KIRREL3: variants seen among roughly 807,000 people sequenced by gnomAD.
The protein encoded by KIRREL3 is kirre like nephrin family adhesion molecule 3.
In KIRREL3, 36 loss-of-function variants were observed where a neutral mutation model predicts 89.7. The ratio of observed to expected loss-of-function variants is 0.40; its 90% CI spans 0.31 to 0.53. The LOEUF (loss-of-function observed/expected upper bound fraction) is 0.53, where lower values mean the gene tolerates loss of function less well. Among genes scored for constraint, KIRREL3 ranks in the 20% least tolerant of loss-of-function variants. The pLI is 0.49. For synonymous variants in KIRREL3, 445 were observed against 441.4 expected (o/e 1.01, Z -0.10); for missense variants, 864 against 1,056.6 (o/e 0.82, Z 2.53).
rs546372771 is a variant in KIRREL3 at position 126,433,121 on chromosome 11, C to T, written c.1589-1595G>A. On this transcript the variant is annotated intron_variant, in intron 13 of 16. Transcript: ENST00000525144. Reference sequence around the variant, plus strand: ...CTCAAACTCCTGACCTCAGGTGATCCGCCCGCCTCAGCCTCCGAAAGTGCT... The same window carrying T: ...CTCAAACTCCTGACCTCAGGTGATCTGCCCGCCTCAGCCTCCGAAAGTGCT... 5.3e-5 allele frequency among the ~76,000 whole-genome samples: 8 copies of T among 152,260 alleles called. No individual in the cohort carries two copies. The East Asian group carries it at 7.7e-4, about 15-fold the overall frequency.
intron 1 of KIRREL3, among the ~76,000 whole-genome samples, chr11:126,693,580 T>C (rs1390066949): frequency 1.3e-5 from 2 of 150,156 alleles, no homozygotes; most frequent in African/African-American, 2.5e-5. Flanking sequence ...GTTACATCTG[T>C]ATGCACATGC....
At chr11:126,961,144 A>C (rs1160776156) in intron 1 of KIRREL3, among the ~76,000 whole-genome samples, 1 of 152,172 alleles carries the variant, frequency 6.6e-6, no homozygotes, top group Non-Finnish European at 1.5e-5. Context: ...TATTGAAATT[A>C]GGCCAATTAG....
rs1218516175 is a variant in KIRREL3 at position 126,578,046 on chromosome 11, T to C, written c.56-15134A>G. ...GGTTTTCATTTTTGGAGAGTTTAAATAATTTTAGAGTTCTTCTATGTTGAG... is the reference window on the plus strand; with the variant it reads ...GGTTTTCATTTTTGGAGAGTTTAAACAATTTTAGAGTTCTTCTATGTTGAG... On this transcript the variant is annotated intron_variant, in intron 1 of 16. Transcript: ENST00000525144. The surrounding 1 kb of genome is among the most constrained non-coding windows in gnomAD (Gnocchi z 4.9). 6.6e-6 allele frequency among the ~76,000 whole-genome samples: 1 copy of C among 152,144 alleles called. No homozygotes were observed. The highest frequency in any genetic ancestry group is 6.5e-5 in the Admixed American group (1 of 15,274).
chr11:126,509,250 C>A (rs1445847327), intron 4 of KIRREL3, among the ~76,000 whole-genome samples: 1 of 152,188 alleles, frequency 6.6e-6, no homozygotes, highest in Non-Finnish European at 1.5e-5. Context: ...ACTCACAAGC[C>A]CTGTTCTGCC....
intron 1 of KIRREL3, among the ~76,000 whole-genome samples, chr11:126,826,447 G>A (rs1943415943): frequency 6.6e-6 from 1 of 152,010 alleles, no homozygotes; most frequent in Non-Finnish European, 1.5e-5. Flanking sequence ...TGTTTATTAA[G>A]TGGGTCCCTT....
At chr11:126,632,462 T>G (rs1944070509) in intron 1 of KIRREL3, among the ~76,000 whole-genome samples, 1 of 152,218 alleles carries the variant, frequency 6.6e-6, no homozygotes, top group Non-Finnish European at 1.5e-5. Context: ...AGTTATGATC[T>G]CTAAAATTAT....
chr11:126,965,842 T>C lies in KIRREL3; in HGVS notation c.55+34613A>G, dbSNP rs925601580. Among the ~76,000 whole-genome samples, 3 of 152,138 alleles carry C rather than the reference T, an allele frequency of 2.0e-5. No homozygotes were observed. The highest frequency in any genetic ancestry group is 7.2e-5 in the African/African-American group (3 of 41,432). On this transcript the variant is annotated intron_variant, in intron 1 of 16. Transcript: ENST00000525144. This position sits in a 1 kb window ranked among gnomAD's most constrained non-coding sequence, Gnocchi z 4.4. ...TAGCCAGACAGGTGACAGAACTCGA[T>C]GTGTGTGGGTATCAGGTCAGCAGCT...
In KIRREL3 at chr11:126,431,624, A is replaced by G; in HGVS notation, c.1589-98T>C. The G allele has an allele frequency of 2.5e-6, 3 of 1,220,248 alleles. No individual in the cohort carries two copies. Among genetic ancestry groups the G allele is most frequent in the Non-Finnish European group, 2.3e-6 (2 of 866,702 alleles). 75.6% of individuals were successfully genotyped at this position (1,220,248 alleles called of 1,614,324 possible). A position where few individuals can be genotyped will look rare whatever the true frequency, so the allele number is the denominator to read the frequency against. On this transcript the variant is annotated intron_variant, in intron 13 of 16. Coordinates refer to ENST00000525144, the MANE Select transcript of KIRREL3 (RefSeq NM_032531.4). The surrounding 1 kb of genome is among the most constrained non-coding windows in gnomAD (Gnocchi z 7.1). ...TTCCTGCGGGGGCAGCCCCTGCCACATGGGGCCCTCCTGGGAAATGCCTCA... is the reference window on the plus strand; with the variant it reads ...TTCCTGCGGGGGCAGCCCCTGCCACGTGGGGCCCTCCTGGGAAATGCCTCA...
At chr11:126,827,570 C>A (rs77209993) in intron 1 of KIRREL3, among the ~76,000 whole-genome samples, 2,417 of 152,250 alleles carry the variant, frequency 0.016, 158 homozygotes, top group Admixed American at 0.11. Context: ...AACAGTAATG[C>A]ACTTTCGAGG....
Position 126,736,309 on chromosome 11 carries a change from T to A in KIRREL3, c.56-173397A>T, listed in dbSNP as rs1178500594. Among the ~76,000 whole-genome samples the A allele has an allele frequency of 1.3e-5, 2 of 152,218 alleles. No individual in the cohort carries two copies. The highest frequency in any genetic ancestry group is 3.8e-4 in the East Asian group (2 of 5,202). The stretch of plus-strand genomic sequence containing the variant: ...TGTGAAATGTGCACTATCATCTCCA[T>A]TTTGCAGATAAGCAAACCGAGGCTC... On this transcript the variant is annotated intron_variant, in intron 1 of 16. Coordinates refer to ENST00000525144, the MANE Select transcript of KIRREL3 (RefSeq NM_032531.4). This position sits in a 1 kb window ranked among gnomAD's most constrained non-coding sequence, Gnocchi z 5.0.
At position 126,969,752 on chromosome 11, in the gene KIRREL3, T is replaced by C. The variant is rs1417267346; in HGVS notation, c.55+30703A>G. ...TGCAGTGGGACCTGGCTCACTTTTG[T>C]AGATCCCTTCAAAGCTGGAGATTGG... On this transcript the variant is annotated intron_variant, in intron 1 of 16. Coordinates refer to ENST00000525144, the MANE Select transcript of KIRREL3 (RefSeq NM_032531.4). The surrounding 1 kb of genome is among the most constrained non-coding windows in gnomAD (Gnocchi z 4.9). Among the ~76,000 whole-genome samples, 1 of 152,160 alleles carries C rather than the reference T, an allele frequency of 6.6e-6. No homozygotes were observed. Among genetic ancestry groups the C allele is most frequent in the African/African-American group, 2.4e-5 (1 of 41,426 alleles).
Position 126,908,470 on chromosome 11 carries a change from T to A in KIRREL3, c.55+91985A>T, listed in dbSNP as rs1592330084. Reference sequence around the variant, plus strand: ...TGTGCTCTGGTTTTCTCATATGCAATGTGGGGACAATAATAGTGACTTCTT... The same window carrying A: ...TGTGCTCTGGTTTTCTCATATGCAAAGTGGGGACAATAATAGTGACTTCTT... On this transcript the variant is annotated intron_variant, in intron 1 of 16. Coordinates refer to ENST00000525144, the MANE Select transcript of KIRREL3 (RefSeq NM_032531.4). This position sits in a 1 kb window ranked among gnomAD's most constrained non-coding sequence, Gnocchi z 4.2. 6.6e-6 allele frequency among the ~76,000 whole-genome samples: 1 copy of A among 152,336 alleles called. No individual in the cohort carries two copies. Among genetic ancestry groups the A allele is most frequent in the East Asian group, 1.9e-4 (1 of 5,178 alleles).
rs2134901757 is a variant in KIRREL3 at position 126,635,002 on chromosome 11, G to A, written c.56-72090C>T. The stretch of plus-strand genomic sequence containing the variant: ...ACAGTTGCTCCACTCAGCAAGTGGG[G>A]ACAGTTCCAGCTTCTGGGCTCTTCT... On this transcript the variant is annotated intron_variant, in intron 1 of 16. Coordinates refer to ENST00000525144, the MANE Select transcript of KIRREL3 (RefSeq NM_032531.4). This position sits in a 1 kb window ranked among gnomAD's most constrained non-coding sequence, Gnocchi z 4.0. 1.3e-5 allele frequency among the ~76,000 whole-genome samples: 2 copies of A among 152,352 alleles called. No individual in the cohort carries two copies. Among genetic ancestry groups the A allele is most frequent in the Non-Finnish European group, 2.9e-5 (2 of 68,026 alleles).
chr11:126,863,976 A>C (rs1465928649), intron 1 of KIRREL3, among the ~76,000 whole-genome samples: 1 of 152,168 alleles, frequency 6.6e-6, no homozygotes, highest in Non-Finnish European at 1.5e-5. Flanking sequence ...CCATGTGTTA[A>C]CCCAGTGCTG....
In KIRREL3 at chr11:126,645,255, G is replaced by A. The variant is rs1329072686; in HGVS notation, c.56-82343C>T. 6.6e-6 allele frequency among the ~76,000 whole-genome samples: 1 copy of A among 152,214 alleles called. No homozygotes were observed. The highest frequency in any genetic ancestry group is 2.4e-5 in the African/African-American group (1 of 41,452). ...ATATTCTCAACTTGAGTTCCCTGCG[G>A]TTGTGGTCATGGGCCAATTGCAGTA... On this transcript the variant is annotated intron_variant, in intron 1 of 16. Transcript: ENST00000525144. This position sits in a 1 kb window ranked among gnomAD's most constrained non-coding sequence, Gnocchi z 4.9.
chr11:126,964,095 G>A (rs767202056), intron 1 of KIRREL3, among the ~76,000 whole-genome samples: 1 of 152,122 alleles, frequency 6.6e-6, no homozygotes, highest in Non-Finnish European at 1.5e-5. Context: ...CAACTACAAG[G>A]TTTGAGAAAG....
At chr11:126,599,980 C>G (rs1942580481) in intron 1 of KIRREL3, among the ~76,000 whole-genome samples, 1 of 152,254 alleles carries the variant, frequency 6.6e-6, no homozygotes, top group Non-Finnish European at 1.5e-5. Flanking sequence ...TGACTTGCTT[C>G]TAACCAATAG....
intron 1 of KIRREL3, among the ~76,000 whole-genome samples, chr11:126,932,562 C>A (rs974767071): frequency 1.4e-4 from 21 of 152,198 alleles, no homozygotes; most frequent in African/African-American, 5.1e-4. Flanking sequence ...AGTCTCAATG[C>A]ATTGAACCCA....
At chr11:126,932,312 C>T (rs1285200911) in intron 1 of KIRREL3, among the ~76,000 whole-genome samples, 13 of 152,204 alleles carry the variant, frequency 8.5e-5, no homozygotes, top group Non-Finnish European at 1.8e-4. Context: ...CTTAGCCTCA[C>T]ACACATATGA....
Sources: allele counts gnomAD v4.1 joint callset (sites outside exome capture counted in the v4.1 genomes callset), GRCh38; gene constraint gnomAD v4.1.1; non-coding constraint Gnocchi (gnomAD v3.1); transcripts MANE v1.5; gene names NCBI Gene and HGNC (gene_info 2026-07-23, HGNC 2026-07-21).